Variants in GALNT9 observed in about 807,000 individuals in gnomAD.
The protein encoded by GALNT9 is GalNAc transferase 9.
A neutral mutation model predicts 63.1 loss-of-function variants in GALNT9; 47 were observed. The observed-to-expected ratio is 0.75, with a 90% CI of 0.59 to 0.95. GALNT9 has a LOEUF of 0.95. Ranked by LOEUF, GALNT9 falls within the 40% of genes least tolerant of loss-of-function variation. The pLI is 0.00. For missense variants in GALNT9, 829 were observed against 874.8 expected, an observed-to-expected ratio of 0.95 and a Z score of 0.66; for synonymous variants, 396 against 365.7, an observed-to-expected ratio of 1.08 and a Z score of -0.94.
At chr12:132,271,474 C>T (rs1310269519) in intron 2 of GALNT9, among the ~76,000 whole-genome samples, 1 of 152,186 alleles carries the variant, frequency 6.6e-6, no homozygotes, top group Non-Finnish European at 1.5e-5. Flanking sequence ...CTCTTTAAAA[C>T]AATGAAGCCA....
At position 132,238,801 on chromosome 12, in the gene GALNT9, C is replaced by G. The variant is rs1419801681; in HGVS notation, c.1077+9109G>C. ...CCGCCCAGGGACGTGCTACCATTTACCTAACACACGTCTTTAAATCCACCC... is the reference window on the plus strand; with the variant it reads ...CCGCCCAGGGACGTGCTACCATTTAGCTAACACACGTCTTTAAATCCACCC... On this transcript the variant is annotated intron_variant, in intron 6 of 10. Coordinates refer to ENST00000328957, the MANE Select transcript of GALNT9 (RefSeq NM_001122636.2). This position sits in a 1 kb window ranked among gnomAD's most constrained non-coding sequence, Gnocchi z 6.5. Among the ~76,000 whole-genome samples the G allele has an allele frequency of 6.6e-6, 1 of 152,194 alleles. No individual in the cohort carries two copies. The highest frequency in any genetic ancestry group is 1.5e-5 in the Non-Finnish European group (1 of 68,034).
chr12:132,273,434 G>C (rs537399934), intron 2 of GALNT9: 1 of 152,374 alleles, frequency 6.6e-6, no homozygotes. Flanking sequence ...GCCCGAATCA[G>C]CTCGCCCCAC....
intron 1 of GALNT9, among the ~76,000 whole-genome samples, chr12:132,320,811 G>A (rs1270722590): frequency 2.0e-5 from 3 of 152,254 alleles, no homozygotes; most frequent in Non-Finnish European, 4.4e-5. Context: ...GCGCCAGCGG[G>A]GGGGTCCTTC....
chr12:132,205,421 G>T (rs1001638121), intron 6 of GALNT9: 1 of 151,954 alleles, frequency 6.6e-6, no homozygotes, highest in African/African-American at 2.4e-5. Flanking sequence ...GGAGGGAGCC[G>T]CTCCCTCCTC....
At chr12:132,240,657 T>G in intron 6 of GALNT9, 1 of 454,222 alleles carries the variant, frequency 2.2e-6, no homozygotes, top group Admixed American at 2.4e-5. Flanking sequence ...TCCTCTTCAC[T>G]CTCTGCCGTG....
chr12:132,264,939 C>T (rs1156544998), intron 2 of GALNT9, among the ~76,000 whole-genome samples: 2 of 152,164 alleles, frequency 1.3e-5, no homozygotes, highest in African/African-American at 2.4e-5. Flanking sequence ...CCTCAGTCTC[C>T]GGCACAATGA....
intron 2 of GALNT9, 139 bp from the exon 3 acceptor site, chr12:132,262,764 G>C: frequency 1.7e-5 from 25 of 1,440,542 alleles, no homozygotes; most frequent in Non-Finnish European, 2.3e-5. Context: ...AGGAGCCATA[G>C]CTCATCTGTC....
chr12:132,284,168 TACACAC>T (rs137940207), intron 2 of GALNT9: 1 of 142,020 alleles, frequency 7.0e-6, no homozygotes, highest in Admixed American at 7.0e-5. Context: ...CACGCACGTA[TACACAC>T]ACACGCACAC....
intron 2 of GALNT9, chr12:132,280,867 C>G (rs1018798993): frequency 6.6e-6 from 1 of 152,332 alleles, no homozygotes; most frequent in Admixed American, 6.5e-5. Flanking sequence ...GCCACCTACT[C>G]TCTGTGGGAT....
chr12:132,292,136 C>G (rs576857999), intron 1 of GALNT9, among the ~76,000 whole-genome samples: 1 of 152,248 alleles, frequency 6.6e-6, no homozygotes, highest in South Asian at 2.1e-4. Flanking sequence ...ATTTTCCTCC[C>G]TGCCTCATTT....
intron 2 of GALNT9, among the ~76,000 whole-genome samples, chr12:132,264,046 G>A (rs989909849): frequency 1.3e-5 from 2 of 152,248 alleles, no homozygotes; most frequent in African/African-American, 4.8e-5. Context: ...GGTGGGGGCA[G>A]AGAATCCCTG....
intron 1 of GALNT9, among the ~76,000 whole-genome samples, chr12:132,304,793 A>C (rs1457446104): frequency 5.4e-5 from 1 of 18,496 alleles, no homozygotes. Context: ...CCTCGCCCAG[A>C]CACACCCTCA....
intron 1 of GALNT9, among the ~76,000 whole-genome samples, chr12:132,290,189 G>A (rs1459381093): frequency 2.0e-5 from 3 of 152,104 alleles, no homozygotes; most frequent in South Asian, 2.1e-4. Context: ...GGGCCCAAGC[G>A]ATGATGTCCC....
Position 132,196,735 on chromosome 12 carries a change from G to GTGCA in GALNT9, c.*368_*371dup. ...AGGCCTGCGGGTGGAAGACACCAGG[G>GTGCA]TGCAGCCTGGTGCATGGTCCGGGGC... On this transcript the variant is annotated 3_prime_UTR_variant, in exon 11 of 11. Transcript: ENST00000328957. 1 of 1,026,948 alleles carries GTGCA rather than the reference G, an allele frequency of 9.7e-7. No individual in the cohort carries two copies. Among genetic ancestry groups the GTGCA allele is most frequent in the Non-Finnish European group, 1.2e-6 (1 of 856,548 alleles). The allele number at this position is 1,026,948 out of a possible 1,614,324, so 63.6% of individuals were successfully genotyped here.
intron 6 of GALNT9, among the ~76,000 whole-genome samples, chr12:132,247,198 GAC>G (rs1565998683): frequency 2.0e-5 from 3 of 150,104 alleles, no homozygotes; most frequent in Admixed American, 1.3e-4. Flanking sequence ...GCCTCACACA[GAC>G]ACAGTCCCGG....
intron 2 of GALNT9, among the ~76,000 whole-genome samples, chr12:132,285,215 C>T (rs1419326896): frequency 6.6e-6 from 1 of 152,238 alleles, no homozygotes; most frequent in Non-Finnish European, 1.5e-5. Flanking sequence ...CACCTGCCAC[C>T]ACCCCACGGT....
At chr12:132,197,736 G>T in intron 10 of GALNT9, 56 bp downstream of exon 10, 6 of 1,324,760 alleles carry the variant, frequency 4.5e-6, no homozygotes, top group Non-Finnish European at 6.3e-6. Flanking sequence ...GCACCCAGGG[G>T]TCCCAGCAGC....
chr12:132,278,699 G>A (rs1880210847), intron 2 of GALNT9: 1 of 152,268 alleles, frequency 6.6e-6, no homozygotes, highest in Non-Finnish European at 1.5e-5. Flanking sequence ...CAGAAGACCC[G>A]ACTGCTGCCA....
rs1879243342 is a variant in GALNT9, at chr12:132,258,729, G to A, written c.762-843C>T. Among the ~76,000 whole-genome samples, 6 of 152,196 alleles carry A rather than the reference G, an allele frequency of 3.9e-5. No individual in the cohort carries two copies. In the South Asian group the frequency reaches 6.2e-4, roughly 16 times the overall value. ...AAGGTGAGTAGAAGCAGCCTCGATGGGCATCAGCTCAGTCTTCGATTCCCC... is the reference window on the plus strand; with the variant it reads ...AAGGTGAGTAGAAGCAGCCTCGATGAGCATCAGCTCAGTCTTCGATTCCCC... On this transcript the variant is annotated intron_variant, in intron 4 of 10. Coordinates refer to ENST00000328957, the MANE Select transcript of GALNT9 (RefSeq NM_001122636.2).
Sources: allele counts gnomAD v4.1 joint callset (sites outside exome capture counted in the v4.1 genomes callset), GRCh38; gene constraint gnomAD v4.1.1; non-coding constraint Gnocchi (gnomAD v3.1); transcripts MANE v1.5; gene names NCBI Gene and HGNC (gene_info 2026-07-23, HGNC 2026-07-21).